CNTNAP4: variants seen among roughly 807,000 people sequenced by gnomAD.
The protein encoded by CNTNAP4 is contactin-associated protein-like 4.
CNTNAP4 carries 98 observed loss-of-function variants against 148.4 expected under a neutral mutation model. The observed-to-expected ratio is 0.66, with a 90% CI of 0.56 to 0.78. The LOEUF (loss-of-function observed/expected upper bound fraction) is 0.78. Among genes scored for constraint, CNTNAP4 ranks in the 30% least tolerant of loss-of-function variants. CNTNAP4 has a pLI of 0.00. For missense variants in CNTNAP4, 1,935 were observed against 1,565.6 expected (o/e 1.24, Z -3.98); for synonymous variants, 730 against 565.1 (o/e 1.29, Z -4.14).
chr16:76,296,316 C>G (rs1203714511), intron 1 of CNTNAP4, among the ~76,000 whole-genome samples: 1 of 152,158 alleles, frequency 6.6e-6, no homozygotes, highest in Non-Finnish European at 1.5e-5. Flanking sequence ...CAAATACCTA[C>G]CTCCACCCCA....
chr16:76,399,014 C>T (rs983796175), intron 3 of CNTNAP4, among the ~76,000 whole-genome samples: 5 of 152,008 alleles, frequency 3.3e-5, no homozygotes, highest in African/African-American at 7.2e-5. Context: ...ATAAGTCTCA[C>T]CGGATCTGAT....
intron 13 of CNTNAP4, among the ~76,000 whole-genome samples, chr16:76,492,483 A>G (rs1287575375): frequency 6.6e-6 from 1 of 151,880 alleles, no homozygotes; most frequent in Non-Finnish European, 1.5e-5. Context: ...ACAGAACCAG[A>G]AAGCAAAATC....
intron 12 of CNTNAP4, among the ~76,000 whole-genome samples, chr16:76,484,968 A>G (rs528760141): frequency 6.8e-6 from 1 of 148,034 alleles, no homozygotes; most frequent in South Asian, 2.1e-4. Context: ...TAAAATCTAC[A>G]AAAAAAATCT....
At chr16:76,405,179 C>T (rs1320920258) in intron 3 of CNTNAP4, among the ~76,000 whole-genome samples, 1 of 151,272 alleles carries the variant, frequency 6.6e-6, no homozygotes, top group Non-Finnish European at 1.5e-5. Flanking sequence ...CTTGTTTTCA[C>T]TATGACACTT....
chr16:76,459,132 G>A (rs1384552038), intron 8 of CNTNAP4, among the ~76,000 whole-genome samples: 2 of 152,152 alleles, frequency 1.3e-5, no homozygotes, highest in African/African-American at 4.8e-5. Flanking sequence ...AGGGCTTTGA[G>A]AATGAGATGT....
At chr16:76,436,417 G>A (rs1179156650) in intron 4 of CNTNAP4, among the ~76,000 whole-genome samples, 2 of 152,188 alleles carry the variant, frequency 1.3e-5, no homozygotes, top group East Asian at 3.9e-4. Flanking sequence ...GCAAGGCTGT[G>A]CATCCACCTT....
intron 4 of CNTNAP4, among the ~76,000 whole-genome samples, chr16:76,446,417 C>T (rs1027102758): frequency 6.6e-6 from 1 of 152,124 alleles, no homozygotes; most frequent in African/African-American, 2.4e-5. Context: ...GAAATGTAGA[C>T]AATACCGTCA....
At chr16:76,384,512 G>C (rs1316851465) in intron 3 of CNTNAP4, among the ~76,000 whole-genome samples, 1 of 152,168 alleles carries the variant, frequency 6.6e-6, no homozygotes, top group Admixed American at 6.5e-5. Context: ...AGCCAGCTCT[G>C]ATAAAGTGCC....
At chr16:76,280,434 A>G (rs1394847602) in intron 1 of CNTNAP4, among the ~76,000 whole-genome samples, 1 of 152,166 alleles carries the variant, frequency 6.6e-6, no homozygotes, top group Non-Finnish European at 1.5e-5. Context: ...CTAAACTACT[A>G]GACTCGTGCT....
At chr16:76,390,716 C>T (rs2016912969) in intron 3 of CNTNAP4, among the ~76,000 whole-genome samples, 1 of 152,108 alleles carries the variant, frequency 6.6e-6, no homozygotes, top group Non-Finnish European at 1.5e-5. Flanking sequence ...TATTATGAAA[C>T]AATTCTAGGA....
At chr16:76,516,950 G>C (rs917620576) in intron 15 of CNTNAP4, among the ~76,000 whole-genome samples, 2 of 152,134 alleles carry the variant, frequency 1.3e-5, no homozygotes, top group African/African-American at 4.8e-5. Context: ...TGTAATCCCA[G>C]CTACTCAGGA....
intron 20 of CNTNAP4, among the ~76,000 whole-genome samples, chr16:76,540,228 GC>G (rs1287124871): frequency 6.6e-6 from 1 of 152,024 alleles, no homozygotes; most frequent in African/African-American, 2.4e-5. Context: ...ATGAGTCACA[GC>G]AAAGAAAATG....
intron 3 of CNTNAP4, among the ~76,000 whole-genome samples, chr16:76,365,985 C>T (rs2014075649): frequency 6.6e-6 from 1 of 152,042 alleles, no homozygotes; most frequent in Non-Finnish European, 1.5e-5. Context: ...AATTTATCTT[C>T]ATGGAAATAT....
At chr16:76,390,454 C>G (rs1417446317) in intron 3 of CNTNAP4, among the ~76,000 whole-genome samples, 1 of 152,026 alleles carries the variant, frequency 6.6e-6, no homozygotes, top group African/African-American at 2.4e-5. Context: ...AAAAACCCCA[C>G]ATGTAATTGT....
intron 3 of CNTNAP4, among the ~76,000 whole-genome samples, chr16:76,398,849 C>G (rs1289842904): frequency 6.6e-6 from 1 of 151,720 alleles, no homozygotes. Context: ...CATATATATA[C>G]TTATATATTT....
At position 76,535,568 on chromosome 16, in the gene CNTNAP4, G is replaced by A. The variant is rs1437409074; in HGVS notation, c.2779G>A (p.Gly927Ser). ...AGGTGGAACGGCCACCAGACAGAGA[G>A]GCTTTCTGGGCTGCATTCGGTCTCT... Reference protein sequence around the residue: ...FVGGTATRQRGFLGCIRSLQL... With the variant: ...FVGGTATRQRSFLGCIRSLQL... Residue 927 changes from glycine to serine, a missense_variant, in exon 18 of 24, where the codon GGC (glycine) becomes AGC (serine). Transcript: ENST00000611870. 6.2e-7 allele frequency: 1 copy of A among 1,612,352 alleles called. No individual in the cohort carries two copies. The highest frequency in any genetic ancestry group is 1.3e-5 in the African/African-American group (1 of 74,980).
intron 15 of CNTNAP4, among the ~76,000 whole-genome samples, chr16:76,518,636 T>G (rs1206414298): frequency 6.6e-6 from 1 of 151,826 alleles, no homozygotes; most frequent in Non-Finnish European, 1.5e-5. Context: ...GAATGTGTAA[T>G]GATCCAGTCA....
intron 17 of CNTNAP4, among the ~76,000 whole-genome samples, chr16:76,529,779 A>G (rs756737967): frequency 6.6e-6 from 1 of 152,068 alleles, no homozygotes; most frequent in Non-Finnish European, 1.5e-5. Flanking sequence ...TAAAAACCAC[A>G]TGCAAAGGTT....
At chr16:76,405,447 C>T (rs551883714) in intron 3 of CNTNAP4, among the ~76,000 whole-genome samples, 37 of 152,070 alleles carry the variant, frequency 2.4e-4, no homozygotes, top group Non-Finnish European at 4.9e-4. Context: ...ACCTTTGATA[C>T]CCCAAAAAGG....
Sources: gnomAD v4.1 joint callset for allele counts (sites outside exome capture counted in the v4.1 genomes callset) on GRCh38, gnomAD v4.1.1 for gene constraint, MANE v1.5 for transcripts, NCBI Gene and HGNC (gene_info 2026-07-23, HGNC 2026-07-21) for gene names.